Variants in SPAG9 observed in about 807,000 individuals in gnomAD.
SPAG9 encodes C-Jun-amino-terminal kinase-interacting protein 4.
In SPAG9, 35 loss-of-function variants were observed where a neutral mutation model predicts 166.5. The observed-to-expected ratio is 0.21, with a 90% CI of 0.16 to 0.28. SPAG9 has a LOEUF of 0.28. Among genes scored for constraint, SPAG9 ranks in the 10% least tolerant of loss-of-function variants. The probability of loss-of-function intolerance (pLI) is 1.00; values close to 1 mark genes in which losing one functional copy is unlikely to be tolerated. For missense variants in SPAG9, 1,235 were observed against 1,603.3 expected, an observed-to-expected ratio of 0.77 and a Z score of 3.92; for synonymous variants, 534 against 565.5, an observed-to-expected ratio of 0.94 and a Z score of 0.79.
At chr17:51,079,306 T>C (rs1349733968) in intron 2 of SPAG9, among the ~76,000 whole-genome samples, 1 of 152,070 alleles carries the variant, frequency 6.6e-6, no homozygotes, top group Admixed American at 6.6e-5. Flanking sequence ...TGGCACCATC[T>C]TGGCTCACTG....
intron 6 of SPAG9, among the ~76,000 whole-genome samples, chr17:51,030,582 A>G (rs2046346619): frequency 6.6e-6 from 1 of 152,192 alleles, no homozygotes; most frequent in South Asian, 2.1e-4. Flanking sequence ...TGGTGTGTAC[A>G]TACATTCTTC....
intron 2 of SPAG9, among the ~76,000 whole-genome samples, chr17:51,066,824 G>A (rs555593666): frequency 1.5e-4 from 22 of 151,628 alleles, no homozygotes; most frequent in African/African-American, 5.1e-4. Context: ...CCTGGGAGGT[G>A]GGGGCTGCAG....
chr17:51,020,731 G>C (rs1341619732), intron 7 of SPAG9, among the ~76,000 whole-genome samples: 4 of 152,130 alleles, frequency 2.6e-5, no homozygotes, highest in African/African-American at 4.8e-5. Context: ...TCTTATCTCA[G>C]TATCCATGGG....
At chr17:51,074,766 G>GA (rs2047919356) in intron 2 of SPAG9, among the ~76,000 whole-genome samples, 1 of 152,004 alleles carries the variant, frequency 6.6e-6, no homozygotes, top group South Asian at 2.1e-4. Context: ...TTGGAGAGAG[G>GA]AATGAGAAGA....
chr17:50,964,688 C>T lies in SPAG9; in HGVS notation c.*1584G>A, dbSNP rs1276695878. On this transcript the variant is annotated 3_prime_UTR_variant, in exon 30 of 30. Transcript: ENST00000262013. ...AAGCTTGAGAGGGAAAAAATTGCAG[C>T]ATCGTGGTTTTAAAAAACTTATTAA... 2.3e-6 allele frequency: 1 copy of T among 444,288 alleles called. No homozygotes were observed. Among genetic ancestry groups the T allele is most frequent in the Non-Finnish European group, 4.5e-6 (1 of 221,172 alleles). 27.5% of individuals were successfully genotyped at this position (444,288 alleles called of 1,614,324 possible).
At position 51,120,745 on chromosome 17, in the gene SPAG9, A is replaced by T; in HGVS notation, c.-89T>A. The T allele has an allele frequency of 8.1e-7, 1 of 1,229,104 alleles. No individual in the cohort carries two copies. Among genetic ancestry groups the T allele is most frequent in the Non-Finnish European group, 1.1e-6 (1 of 899,186 alleles). 76.1% of individuals were successfully genotyped at this position (1,229,104 alleles called of 1,614,324 possible). On this transcript the variant is annotated 5_prime_UTR_variant, in exon 1 of 30. Transcript: ENST00000262013. The surrounding 1 kb of genome is among the most constrained non-coding windows in gnomAD (Gnocchi z 4.7). The stretch of plus-strand genomic sequence containing the variant: ...CGGGACGGACCCGACTCGGGCTGGG[A>T]CGGGTACTAGGGCTGGAGCCCGGGC...
intron 1 of SPAG9, among the ~76,000 whole-genome samples, chr17:51,087,152 G>C (rs2048327105): frequency 6.6e-6 from 1 of 152,136 alleles, no homozygotes; most frequent in Non-Finnish European, 1.5e-5. Flanking sequence ...CCATCAAATA[G>C]TCTAGTTTTG....
intron 18 of SPAG9, 124 bp from the exon 19 acceptor site, chr17:50,994,059 A>G: frequency 6.5e-6 from 6 of 926,398 alleles, no homozygotes; most frequent in Non-Finnish European, 8.0e-6. Flanking sequence ...TGGAAGGGTA[A>G]AAATACAACC....
chr17:51,108,039 G>A (rs1331785714), intron 1 of SPAG9, among the ~76,000 whole-genome samples: 1 of 150,602 alleles, frequency 6.6e-6, no homozygotes, highest in Non-Finnish European at 1.5e-5. Flanking sequence ...TGGCAGAGTA[G>A]GTAAACAAGT....
chr17:51,047,638 T>C (rs1220425030), intron 3 of SPAG9, among the ~76,000 whole-genome samples, 169 bp from the exon 4 acceptor site: 1 of 150,900 alleles, frequency 6.6e-6, no homozygotes, highest in Non-Finnish European at 1.5e-5. Context: ...GAAAGTAATA[T>C]GCAAATGCTT....
At chr17:51,004,551 A>G (rs1233562938) in intron 12 of SPAG9, among the ~76,000 whole-genome samples, 1 of 152,222 alleles carries the variant, frequency 6.6e-6, no homozygotes, top group Non-Finnish European at 1.5e-5. Context: ...CAGCCTGGCC[A>G]ACAAGGCAAA....
intron 10 of SPAG9, among the ~76,000 whole-genome samples, chr17:51,006,918 C>A (rs1183469528): frequency 6.6e-6 from 1 of 151,944 alleles, no homozygotes. Flanking sequence ...AAAGAAACCC[C>A]AGGAGAAGAG....
intron 1 of SPAG9, among the ~76,000 whole-genome samples, chr17:51,109,257 G>A (rs538375066): frequency 6.7e-6 from 1 of 149,830 alleles, no homozygotes; most frequent in Non-Finnish European, 1.5e-5. Context: ...TCTTTTTTGA[G>A]ATGGAGTCTT....
At chr17:50,969,604 T>C (rs1973617562) in intron 29 of SPAG9, among the ~76,000 whole-genome samples, 1 of 152,076 alleles carries the variant, frequency 6.6e-6, no homozygotes, top group Non-Finnish European at 1.5e-5. Flanking sequence ...CATACTCCAG[T>C]CCCTCCCTCC....
At position 51,031,696 on chromosome 17, in the gene SPAG9, C is replaced by T; in HGVS notation, c.768G>A (p.Lys256=). The change falls in exon 6 of 30, where the codon AAG becomes AAA. Residue 256 remains lysine, a synonymous_variant. Transcript: ENST00000262013. The part of the protein sequence containing the change: ...LKVSNSPEPQ[K]AVEQEDELSD... ...CCATTCTCACCTCCTGTTCTACAGC[C>T]TTCTGAGGTTCAGGACTATTGCTGA... 1 of 1,551,190 alleles carries T rather than the reference C, an allele frequency of 6.4e-7. No homozygotes were observed. Among genetic ancestry groups the T allele is most frequent in the African/African-American group, 1.4e-5 (1 of 73,136 alleles).
chr17:51,070,875 T>C (rs1049220022), intron 2 of SPAG9, among the ~76,000 whole-genome samples: 19 of 152,148 alleles, frequency 1.2e-4, no homozygotes, highest in African/African-American at 4.6e-4. Context: ...AAATTGTTAA[T>C]AGATGGCATA....
intron 6 of SPAG9, chr17:51,023,310 T>C (rs1300831304): frequency 6.2e-6 from 1 of 161,622 alleles, no homozygotes; most frequent in South Asian, 1.3e-4. Context: ...TATTAATTTA[T>C]AATATTTTAA....
chr17:51,086,399 G>A (rs1360984087), intron 1 of SPAG9, among the ~76,000 whole-genome samples: 4 of 151,962 alleles, frequency 2.6e-5, no homozygotes, highest in Non-Finnish European at 5.9e-5. Flanking sequence ...CTAGCACTTT[G>A]GGAGGCCGAG....
intron 2 of SPAG9, among the ~76,000 whole-genome samples, chr17:51,070,227 A>C (rs1270161907): frequency 6.6e-6 from 1 of 152,228 alleles, no homozygotes; most frequent in African/African-American, 2.4e-5. Context: ...ATAAGTTGTA[A>C]ATCCAAGGAG....
Sources: gnomAD v4.1 joint callset for allele counts (sites outside exome capture counted in the v4.1 genomes callset) on GRCh38, gnomAD v4.1.1 for gene constraint, Gnocchi (gnomAD v3.1) non-coding constraint, MANE v1.5 for transcripts, NCBI Gene and HGNC (gene_info 2026-07-23, HGNC 2026-07-21) for gene names.